Variants in SETBP1 observed in about 807,000 individuals in gnomAD.
SETBP1 encodes SET-binding protein.
In SETBP1, 9 loss-of-function variants were observed where a neutral mutation model predicts 101.0. That is an observed-to-expected ratio of 0.09 (90% CI 0.05 to 0.16). SETBP1 has a LOEUF of 0.16. SETBP1 is among the 10% of genes least tolerant of loss of function. SETBP1 has a pLI of 1.00. For missense variants in SETBP1, 1,858 were observed against 2,033.8 expected (o/e 0.91, Z 1.66); for synonymous variants, 818 against 788.5 (o/e 1.04, Z -0.63).
At chr18:44,890,558 T>A (rs1364576390) in intron 3 of SETBP1, among the ~76,000 whole-genome samples, 1 of 152,098 alleles carries the variant, frequency 6.6e-6, no homozygotes, top group East Asian at 1.9e-4. Context: ...CATCAAGTTA[T>A]TATTAAAACA....
chr18:44,764,717 C>T (rs929030220), intron 2 of SETBP1, among the ~76,000 whole-genome samples: 2 of 152,200 alleles, frequency 1.3e-5, no homozygotes, highest in Non-Finnish European at 2.9e-5. Context: ...TGTGATCTGA[C>T]TGCCTTGGCC....
rs531974601 is a variant in SETBP1, at chr18:44,703,348, G to GTTTTTTTTTTTTTTT, written c.486+1548_486+1562dup. ...TCCATAGCATTTCTGTTACCATTAG[G>GTTTTTTTTTTTTTTT]TTTTTTTTTTTTTTTTTTTTTTTTT... On this transcript the variant is annotated intron_variant, in intron 2 of 5. Transcript: ENST00000649279. 3.1e-4 allele frequency among the ~76,000 whole-genome samples: 16 copies of GTTTTTTTTTTTTTTT among 51,446 alleles called. 1 individual carries two copies. The highest frequency in any genetic ancestry group is 4.7e-4 in the Non-Finnish European group (13 of 27,396). 33.8% of individuals were successfully genotyped at this position (51,446 alleles called of 152,430 possible). A position where few individuals can be genotyped will look rare whatever the true frequency, so the allele number is the denominator to read the frequency against.
intron 4 of SETBP1, among the ~76,000 whole-genome samples, chr18:45,037,706 A>C (rs1037768636): frequency 5.9e-5 from 9 of 152,062 alleles, no homozygotes; most frequent in African/African-American, 1.7e-4. Context: ...TTACAGGGGC[A>C]CCTCCTGACT....
At chr18:44,854,589 C>T (rs898712035) in intron 2 of SETBP1, among the ~76,000 whole-genome samples, 1 of 152,202 alleles carries the variant, frequency 6.6e-6, no homozygotes, top group African/African-American at 2.4e-5. Flanking sequence ...CTACCCACTC[C>T]AATCTTCCCA....
At position 45,028,710 on chromosome 18, in the gene SETBP1, T is replaced by G. The variant is rs368985161; in HGVS notation, c.4001-9775T>G. On this transcript the variant is annotated intron_variant, in intron 4 of 5. Coordinates refer to ENST00000649279, the MANE Select transcript of SETBP1 (RefSeq NM_015559.3). ...TTTTTAATGATTGCCATTCTAACTG[T>G]TGTGAGATGGTATCTCATTGTGGTT... Among the ~76,000 whole-genome samples, 993 of 152,240 alleles carry G rather than the reference T, an allele frequency of 6.5e-3. 10 individuals are homozygous for G. The highest frequency in any genetic ancestry group is 0.022 in the African/African-American group (905 of 41,544).
intron 4 of SETBP1, among the ~76,000 whole-genome samples, chr18:45,014,349 A>T (rs2072900504): frequency 6.6e-6 from 1 of 152,188 alleles, no homozygotes. Flanking sequence ...TGCAGGAAAG[A>T]AGCAAAGGAG....
chr18:44,891,795 C>T (rs2069776517), intron 3 of SETBP1, among the ~76,000 whole-genome samples: 1 of 152,108 alleles, frequency 6.6e-6, no homozygotes, highest in South Asian at 2.1e-4. Context: ...ATTTTAGTTT[C>T]TGTATAATGG....
chr18:45,036,308 G>A (rs1005219698), intron 4 of SETBP1, among the ~76,000 whole-genome samples: 1 of 149,944 alleles, frequency 6.7e-6, no homozygotes, highest in Admixed American at 6.6e-5. Context: ...ACTTCAGCCT[G>A]GGTGACAGAG....
Position 44,951,507 on chromosome 18 carries a change from A to G in SETBP1, c.2167A>G (p.Ile723Val). 2 of 1,614,098 alleles carry G rather than the reference A, an allele frequency of 1.2e-6. No individual in the cohort carries two copies. The highest frequency in any genetic ancestry group is 1.7e-6 in the Non-Finnish European group (2 of 1,180,032). Residue 723 changes from isoleucine to valine, a missense_variant, in exon 4 of 6, where the codon ATT becomes GTT. Around this residue, in one of 12 missense-constraint regions of SETBP1, gnomAD observed 8 missense variants for 32.7 expected, o/e 0.24. Coordinates refer to ENST00000649279, the MANE Select transcript of SETBP1 (RefSeq NM_015559.3). This position sits in a 1 kb window ranked among gnomAD's most constrained non-coding sequence, Gnocchi z 7.8. ...TGTCAGCAAGAGGGGAACCATCTACATTGGCAAGAAGCGGGGCAGGAAGCC... is the reference window on the plus strand; with the variant it reads ...TGTCAGCAAGAGGGGAACCATCTACGTTGGCAAGAAGCGGGGCAGGAAGCC... Reference protein sequence around the residue: ...INVSKRGTIYIGKKRGRKPRA... With the variant: ...INVSKRGTIYVGKKRGRKPRA...
intron 3 of SETBP1, among the ~76,000 whole-genome samples, chr18:44,892,808 T>C (rs2069803447): frequency 6.6e-6 from 1 of 152,098 alleles, no homozygotes. Context: ...TCTTCACATC[T>C]CCAAGCTAAA....
intron 2 of SETBP1, among the ~76,000 whole-genome samples, chr18:44,720,908 C>CCT (rs922795822): frequency 3.8e-4 from 13 of 34,658 alleles, no homozygotes; most frequent in African/African-American, 1.5e-3. Flanking sequence ...CCAACCCCCA[C>CCT]CCCCCACCCC....
At chr18:44,885,410 C>A (rs1020630999) in intron 3 of SETBP1, among the ~76,000 whole-genome samples, 4 of 152,092 alleles carry the variant, frequency 2.6e-5, no homozygotes, top group Admixed American at 1.3e-4. Flanking sequence ...GCCATAGAAT[C>A]CTTTTTTCCT....
intron 2 of SETBP1, among the ~76,000 whole-genome samples, chr18:44,743,541 G>C (rs2070147184): frequency 6.6e-6 from 1 of 152,164 alleles, no homozygotes. Flanking sequence ...CTGGTTCTGG[G>C]AGAAGGGTCT....
rs567674362 is a variant in SETBP1, at chr18:44,952,592, A to T, written c.3252A>T (p.Pro1084=). The part of the protein sequence containing the change: ...YLSHTLGAAS[P]FMRPTVPPPQ... Reference sequence around the variant, plus strand: ...CGCACACGCTTGGAGCAGCTTCCCCATTCATGAGGCCAACAGTGCCACCAC... The same window carrying T: ...CGCACACGCTTGGAGCAGCTTCCCCTTTCATGAGGCCAACAGTGCCACCAC... Residue 1084 remains proline (P), a synonymous_variant, in exon 4 of 6, where the codon CCA becomes CCT. Coordinates refer to ENST00000649279, the MANE Select transcript of SETBP1 (RefSeq NM_015559.3). 1.1e-5 allele frequency: 17 copies of T among 1,613,704 alleles called. 1 individual carries two copies. The South Asian group carries it at 1.9e-4, about 18-fold the overall frequency.
rs911480329 is a variant in SETBP1 at position 44,951,140 on chromosome 18, G to A, written c.1800G>A (p.Thr600=). 22 of 1,613,944 alleles carry A rather than the reference G, an allele frequency of 1.4e-5. No individual in the cohort carries two copies. Among genetic ancestry groups the A allele is most frequent in the Non-Finnish European group, 1.8e-5 (21 of 1,180,034 alleles). Residue 600 remains threonine (T), a synonymous_variant, in exon 4 of 6, where the codon ACG becomes ACA. Coordinates refer to ENST00000649279, the MANE Select transcript of SETBP1 (RefSeq NM_015559.3). This position sits in a 1 kb window ranked among gnomAD's most constrained non-coding sequence, Gnocchi z 7.8. ...AGCAGCCTTTGCTCACAGTCGAGAC[G>A]ATTCATGAGGGAACTTCCACCAGCC... ...PKKQPLLTVE[T]IHEGTSTSPV...
At chr18:44,922,627 C>A (rs2144941071) in intron 3 of SETBP1, among the ~76,000 whole-genome samples, 1 of 152,318 alleles carries the variant, frequency 6.6e-6, no homozygotes, top group South Asian at 2.1e-4. Context: ...AATCTCTTTT[C>A]TCCAGTTCTT....
At chr18:44,760,994 A>T (rs1212246322) in intron 2 of SETBP1, among the ~76,000 whole-genome samples, 1 of 152,242 alleles carries the variant, frequency 6.6e-6, no homozygotes, top group Non-Finnish European at 1.5e-5. Flanking sequence ...AAATGATTAT[A>T]AAAATGGTTA....
chr18:44,728,657 G>A (rs539353238), intron 2 of SETBP1, among the ~76,000 whole-genome samples: 4 of 152,320 alleles, frequency 2.6e-5, no homozygotes, highest in South Asian at 2.1e-4. Flanking sequence ...TGAACAGAAA[G>A]TATAATCCTC....
At chr18:44,833,030 G>A (rs1599191242) in intron 2 of SETBP1, among the ~76,000 whole-genome samples, 1 of 152,246 alleles carries the variant, frequency 6.6e-6, no homozygotes, top group Admixed American at 6.5e-5. Flanking sequence ...GACAGTGGAG[G>A]TGGATGGAAA....
Sources: gnomAD v4.1 joint callset for allele counts (sites outside exome capture counted in the v4.1 genomes callset) on GRCh38, gnomAD v4.1.1 for gene constraint, gnomAD v4.1.1 regional missense constraint, Gnocchi (gnomAD v3.1) non-coding constraint, MANE v1.5 for transcripts, NCBI Gene and HGNC (gene_info 2026-07-23, HGNC 2026-07-21) for gene names.